The following RNF150 variants were observed in gnomAD, a reference collection of about 807,000 sequenced individuals.
RNF150 encodes ring finger protein 150.
Under a neutral mutation model 39.3 loss-of-function variants are expected in RNF150, and 24 were observed. The observed-to-expected ratio is 0.61, with a 90% CI of 0.44 to 0.86. RNF150 has a LOEUF of 0.86. RNF150 is among the 40% of genes least tolerant of loss of function. RNF150 has a pLI of 0.00. For synonymous variants in RNF150, 255 were observed against 227.3 expected (o/e 1.12, Z -1.10); for missense variants, 502 against 587.8 (o/e 0.85, Z 1.51).
chr4:141,133,943 T>G (rs1422951924), upstream of RNF150, among the ~76,000 whole-genome samples: 2 of 152,122 alleles, frequency 1.3e-5, no homozygotes, highest in African/African-American at 4.8e-5. Context: ...CCCAAAAATA[T>G]GCATTTCTAA....
chr4:140,991,521 T>A (rs762668445), intron 1 of RNF150, among the ~76,000 whole-genome samples: 23 of 152,178 alleles, frequency 1.5e-4, no homozygotes, highest in Admixed American at 5.2e-4. Context: ...TGAGTTAATT[T>A]TTGTTTGGAA....
intron 2 of RNF150, among the ~76,000 whole-genome samples, chr4:140,960,949 G>A (rs936767697): frequency 3.3e-5 from 5 of 152,024 alleles, no homozygotes; most frequent in East Asian, 1.9e-4. Flanking sequence ...TCAAGCCTAC[G>A]GGGCTGGCTT....
At chr4:141,080,514 T>C (rs1269596193) in intron 1 of RNF150, among the ~76,000 whole-genome samples, 1 of 152,198 alleles carries the variant, frequency 6.6e-6, no homozygotes, top group Non-Finnish European at 1.5e-5. Context: ...ATTTCTTAAT[T>C]AGTTTCATTT....
chr4:141,065,399 TA>T (rs1331871763), intron 1 of RNF150, among the ~76,000 whole-genome samples: 1 of 152,126 alleles, frequency 6.6e-6, no homozygotes, highest in Non-Finnish European at 1.5e-5. Flanking sequence ...CTGACTCTAC[TA>T]AAAAATTTAT....
intron 1 of RNF150, among the ~76,000 whole-genome samples, chr4:141,171,263 A>G (rs750669962): frequency 5.3e-5 from 8 of 152,156 alleles, no homozygotes; most frequent in Non-Finnish European, 1.0e-4. Flanking sequence ...TGGACCCTAG[A>G]TCTTCTCATG....
chr4:140,892,002 C>T (rs1729772093), intron 6 of RNF150, among the ~76,000 whole-genome samples: 1 of 152,196 alleles, frequency 6.6e-6, no homozygotes, highest in Non-Finnish European at 1.5e-5. Context: ...GAAAAATTCT[C>T]TTCCAAGCAA....
chr4:140,908,391 G>A (rs1355376785), intron 6 of RNF150, among the ~76,000 whole-genome samples: 8 of 152,186 alleles, frequency 5.3e-5, no homozygotes, highest in Non-Finnish European at 8.8e-5. Context: ...AGAAATATAT[G>A]GTTTAGGAAA....
chr4:141,066,176 C>A (rs1402859806), intron 1 of RNF150, among the ~76,000 whole-genome samples: 1 of 151,680 alleles, frequency 6.6e-6, no homozygotes, highest in African/African-American at 2.4e-5. Context: ...CCCTTCCCCT[C>A]TGGATGCAAG....
chr4:141,114,545 C>G (rs141247778), intron 1 of RNF150, among the ~76,000 whole-genome samples: 1 of 152,092 alleles, frequency 6.6e-6, no homozygotes, highest in Non-Finnish European at 1.5e-5. Flanking sequence ...CAGGACCAGA[C>G]GGATTCACAG....
Position 140,967,798 on chromosome 4 carries a change from A to C in RNF150, c.560T>G (p.Ile187Ser). The C allele has an allele frequency of 6.2e-7, 1 of 1,613,492 alleles. No homozygotes were observed. Among genetic ancestry groups the C allele is most frequent in the Non-Finnish European group, 8.5e-7 (1 of 1,179,642 alleles). ...GATGGTGATGTACATTGTCACGGTG[A>C]TGTTTCTTTCCAGCAGGCTTACTAT... is the stretch of plus-strand genomic sequence containing the variant. Reference protein sequence around the residue: ...KEIVSLLERNITVTMYITIGT... With the variant: ...KEIVSLLERNSTVTMYITIGT... Residue 187 changes from isoleucine to serine, a missense_variant, in exon 2 of 7, where the codon ATC becomes AGC. Ile to Ser is a moderately radical substitution (Grantham distance 142). Coordinates refer to ENST00000515673, the MANE Select transcript of RNF150 (RefSeq NM_020724.2).
At chr4:140,879,986 A>G (rs927952378) in intron 6 of RNF150, among the ~76,000 whole-genome samples, 5 of 152,078 alleles carry the variant, frequency 3.3e-5, no homozygotes, top group Non-Finnish European at 5.9e-5. Flanking sequence ...GATGCTTTTT[A>G]TATATTTTTT....
chr4:141,038,163 G>T (rs1223065031), intron 1 of RNF150, among the ~76,000 whole-genome samples: 1 of 152,074 alleles, frequency 6.6e-6, no homozygotes, highest in African/African-American at 2.4e-5. Flanking sequence ...AGAATGCTTG[G>T]CTGGTTTTCA....
chr4:140,988,959 C>T (rs1734103489), intron 1 of RNF150, among the ~76,000 whole-genome samples: 1 of 151,898 alleles, frequency 6.6e-6, no homozygotes, highest in Non-Finnish European at 1.5e-5. Context: ...ACAATGAGAA[C>T]ACTTGGACAC....
chr4:141,007,860 C>G (rs1419159491), intron 1 of RNF150, among the ~76,000 whole-genome samples: 2 of 152,218 alleles, frequency 1.3e-5, no homozygotes, highest in Admixed American at 1.3e-4. Flanking sequence ...TACAACCAAA[C>G]AGTAGGTATC....
rs186450626 is a variant in RNF150 at position 141,126,477 on chromosome 4, C to T, written c.484+5848G>A. Among the ~76,000 whole-genome samples the T allele has an allele frequency of 3.5e-3, 528 of 152,250 alleles. 2 individuals are homozygous for T. The highest frequency in any genetic ancestry group is 3.9e-3 in the Non-Finnish European group (262 of 68,026). On this transcript the variant is annotated intron_variant, in intron 1 of 6. Coordinates refer to ENST00000515673, the MANE Select transcript of RNF150 (RefSeq NM_020724.2). ...TCCTGTGCTGAACCAAGTCTGTTTC[C>T]GTAACATCTCCTCACTACCCCAAGT...
At chr4:141,173,061 A>C (rs769051171) in intron 1 of RNF150, among the ~76,000 whole-genome samples, 17 of 152,078 alleles carry the variant, frequency 1.1e-4, no homozygotes, top group Non-Finnish European at 1.5e-5. Context: ...CTAGGATATT[A>C]ATCTTACTTT....
chr4:141,071,544 T>C (rs1737705253), intron 1 of RNF150, among the ~76,000 whole-genome samples: 1 of 152,032 alleles, frequency 6.6e-6, no homozygotes, highest in South Asian at 2.1e-4. Flanking sequence ...AGGAAATTTG[T>C]TGCTGGAAAA....
intron 1 of RNF150, among the ~76,000 whole-genome samples, chr4:141,106,828 C>T (rs573759798): frequency 1.2e-4 from 19 of 152,080 alleles, no homozygotes; most frequent in Non-Finnish European, 2.2e-4. Context: ...ATTCCATCTA[C>T]AATATTCTAG....
At position 141,132,820 on chromosome 4, in the gene RNF150, G is replaced by A. The variant is rs757778877; in HGVS notation, c.-12C>T. ...AGAGACATTGCCATCTTTATCCGCCGGGGCCCCCTCCCCGCCCCCGCGCCC... is the reference window on the plus strand; with the variant it reads ...AGAGACATTGCCATCTTTATCCGCCAGGGCCCCCTCCCCGCCCCCGCGCCC... On this transcript the variant is annotated 5_prime_UTR_variant, in exon 1 of 7. Transcript: ENST00000515673. The surrounding 1 kb of genome is among the most constrained non-coding windows in gnomAD (Gnocchi z 4.9). 1.9e-6 allele frequency: 3 copies of A among 1,600,016 alleles called. No homozygotes were observed. The highest frequency in any genetic ancestry group is 1.7e-6 in the Non-Finnish European group (2 of 1,172,146).
Sources: gnomAD v4.1 joint callset for allele counts (sites outside exome capture counted in the v4.1 genomes callset) on GRCh38, gnomAD v4.1.1 for gene constraint, Gnocchi (gnomAD v3.1) non-coding constraint, MANE v1.5 for transcripts, NCBI Gene and HGNC (gene_info 2026-07-23, HGNC 2026-07-21) for gene names.